SUGCT: variants seen among roughly 807,000 people sequenced by gnomAD.
SUGCT encodes the protein succinyl-CoA:glutarate CoA-transferase.
A neutral mutation model predicts 55.0 loss-of-function variants in SUGCT; 41 were observed. That is an observed-to-expected ratio of 0.74 (90% CI 0.58 to 0.97). SUGCT has a LOEUF of 0.97. SUGCT is among the 50% of genes least tolerant of loss of function. The probability of loss-of-function intolerance (pLI) is 0.00; values close to 1 mark genes in which losing one functional copy is unlikely to be tolerated. For synonymous variants in SUGCT, 187 were observed against 200.4 expected (o/e 0.93, Z 0.56); for missense variants, 568 against 547.8 (o/e 1.04, Z -0.37).
At chr7:40,412,530 A>G (rs945785384) in intron 9 of SUGCT, among the ~76,000 whole-genome samples, 1 of 152,182 alleles carries the variant, frequency 6.6e-6, no homozygotes, top group East Asian at 1.9e-4. Flanking sequence ...TTTCTTACGC[A>G]ATATTTTGTT....
chr7:40,974,699 A>G, the SUGCT span, among the ~76,000 whole-genome samples: 2 of 152,208 alleles, frequency 1.3e-5, no homozygotes, highest in Non-Finnish European at 2.9e-5. Context: ...TTGAGATGAC[A>G]TGTTACATGT....
the SUGCT span, among the ~76,000 whole-genome samples, chr7:40,961,572 G>T: frequency 6.6e-6 from 1 of 152,218 alleles, no homozygotes; most frequent in Non-Finnish European, 1.5e-5. Flanking sequence ...AGCAATTAAA[G>T]CCTAAGATAG....
chr7:40,588,073 T>C (rs1279386432), intron 12 of SUGCT, among the ~76,000 whole-genome samples: 1 of 152,054 alleles, frequency 6.6e-6, no homozygotes, highest in Non-Finnish European at 1.5e-5. Flanking sequence ...CGGCTAATTT[T>C]TGTATTTTTA....
intron 12 of SUGCT, among the ~76,000 whole-genome samples, chr7:40,657,857 A>G (rs79279048): frequency 0.021 from 3,178 of 152,174 alleles, 68 homozygotes; most frequent in Non-Finnish European, 0.032. Flanking sequence ...TATAATCCCC[A>G]TTTTCTAGAT....
chr7:40,935,468 C>T, the SUGCT span, among the ~76,000 whole-genome samples: 1 of 152,142 alleles, frequency 6.6e-6, no homozygotes, highest in Non-Finnish European at 1.5e-5. Context: ...TATGGCTTTG[C>T]CTGTTCTGGC....
the SUGCT span, among the ~76,000 whole-genome samples, chr7:40,982,151 C>T: frequency 6.6e-6 from 1 of 152,114 alleles, no homozygotes; most frequent in African/African-American, 2.4e-5. Flanking sequence ...AAGCACTTAG[C>T]AGGGCCTGGC....
intron 9 of SUGCT, among the ~76,000 whole-genome samples, chr7:40,429,244 A>G (rs114711144): frequency 2.6e-3 from 391 of 152,256 alleles, no homozygotes; most frequent in Middle Eastern, 0.017. Context: ...TAACTTGTTA[A>G]TCCTGTATAT....
intron 13 of SUGCT, among the ~76,000 whole-genome samples, chr7:40,840,445 C>T (rs1793215625): frequency 6.9e-6 from 1 of 144,690 alleles, no homozygotes; most frequent in African/African-American, 2.5e-5. Context: ...CAACATACTT[C>T]TAAATGATGC....
intron 7 of SUGCT, among the ~76,000 whole-genome samples, chr7:40,269,806 G>A (rs1340000045): frequency 6.6e-6 from 1 of 152,044 alleles, no homozygotes; most frequent in African/African-American, 2.4e-5. Flanking sequence ...TTTAAATTAG[G>A]TCATTTTTCT....
intron 11 of SUGCT, among the ~76,000 whole-genome samples, chr7:40,462,511 A>G (rs1789857398): frequency 6.6e-6 from 1 of 152,068 alleles, no homozygotes; most frequent in East Asian, 1.9e-4. Flanking sequence ...TTGAAGAGAG[A>G]GCGTCAAGGG....
At chr7:40,559,538 A>T (rs181351078) in intron 12 of SUGCT, among the ~76,000 whole-genome samples, 1 of 152,350 alleles carries the variant, frequency 6.6e-6, no homozygotes, top group African/African-American at 2.4e-5. Context: ...GGTGAAATGA[A>T]ATGAAGAAGA....
intron 13 of SUGCT, among the ~76,000 whole-genome samples, chr7:40,823,942 C>G (rs1402868135): frequency 6.6e-6 from 1 of 152,002 alleles, no homozygotes; most frequent in Non-Finnish European, 1.5e-5. Flanking sequence ...TAATGATTAC[C>G]TAGTAGGTTC....
At chr7:40,135,535 A>C (rs1787636487) in intron 1 of SUGCT, among the ~76,000 whole-genome samples, 1 of 152,266 alleles carries the variant, frequency 6.6e-6, no homozygotes, top group African/African-American at 2.4e-5. Context: ...TTGTACAGTT[A>C]CCTGTTGCAG....
chr7:40,758,248 C>T (rs1350061278), intron 13 of SUGCT, among the ~76,000 whole-genome samples: 1 of 150,834 alleles, frequency 6.6e-6, no homozygotes, highest in African/African-American at 2.4e-5. Flanking sequence ...CTTCTTGGTG[C>T]ATGAAGAGAT....
intron 1 of SUGCT, among the ~76,000 whole-genome samples, chr7:40,177,582 TTTG>T (rs781693222): frequency 4.8e-4 from 73 of 152,358 alleles, no homozygotes; most frequent in South Asian, 1.4e-3. Context: ...CTTATTTCTC[TTTG>T]TTAATATTTG....
chr7:40,911,887 G>T, the SUGCT span, among the ~76,000 whole-genome samples: 2,216 of 152,196 alleles, frequency 0.015, 52 homozygotes, highest in African/African-American at 0.05. Flanking sequence ...AGGAGGGAGG[G>T]CATGGTGTGT....
At chr7:40,467,700 G>A (rs540860809) in intron 11 of SUGCT, among the ~76,000 whole-genome samples, 1 of 151,852 alleles carries the variant, frequency 6.6e-6, no homozygotes, top group East Asian at 1.9e-4. Flanking sequence ...ATTCTTATAA[G>A]ACTCAACTTT....
In SUGCT at chr7:40,671,653, A is replaced by G. The variant is rs530247916; in HGVS notation, c.1090-77781A>G. Reference sequence around the variant, plus strand: ...AAAATGAAATAGATGTAAACCTAACAAAACATATATAGCACTTGTATGTTA... The same window carrying G: ...AAAATGAAATAGATGTAAACCTAACGAAACATATATAGCACTTGTATGTTA... On this transcript the variant is annotated intron_variant, in intron 12 of 13. Transcript: ENST00000335693. 1.5e-3 allele frequency among the ~76,000 whole-genome samples: 226 copies of G among 152,322 alleles called. 2 individuals are homozygous for G. The highest frequency in any genetic ancestry group is 5.2e-3 in the African/African-American group (217 of 41,574).
chr7:40,810,425 A>T (rs1365460748), intron 13 of SUGCT, among the ~76,000 whole-genome samples: 1 of 152,112 alleles, frequency 6.6e-6, no homozygotes, highest in Non-Finnish European at 1.5e-5. Context: ...CCTCACCAGC[A>T]TCTGTTGTTT....
Sources: allele counts gnomAD v4.1 joint callset (sites outside exome capture counted in the v4.1 genomes callset), GRCh38; gene constraint gnomAD v4.1.1; transcripts MANE v1.5; gene names NCBI Gene and HGNC (gene_info 2026-07-23, HGNC 2026-07-21).